Variants in CNNM3 observed in about 807,000 individuals in gnomAD.
The protein encoded by CNNM3 is cyclin and CBS domain divalent metal cation transport mediator 3, also known as metal transporter CNNM3.
CNNM3 carries 47 observed loss-of-function variants against 57.1 expected under a neutral mutation model. That is an observed-to-expected ratio of 0.82 (90% CI 0.65 to 1.05). The LOEUF (loss-of-function observed/expected upper bound fraction) is 1.05, where lower values mean the gene tolerates loss of function less well. CNNM3 is among the 50% of genes least tolerant of loss of function. The pLI, the probability that CNNM3 is intolerant of heterozygous loss-of-function variation, is 0.00. For missense variants in CNNM3, 957 were observed against 973.7 expected (o/e 0.98, Z 0.23); for synonymous variants, 507 against 478.2 (o/e 1.06, Z -0.79).
At chr2:96,823,928 G>A (rs1204432264) in intron 1 of CNNM3, among the ~76,000 whole-genome samples, 1 of 152,214 alleles carries the variant, frequency 6.6e-6, no homozygotes, top group Non-Finnish European at 1.5e-5. Context: ...AAACACACCA[G>A]ATTCAGAGAG....
At chr2:96,828,466 T>G in intron 5 of CNNM3, 101 bp from the exon 6 acceptor site, 10 of 1,426,654 alleles carry the variant, frequency 7.0e-6, no homozygotes, top group Non-Finnish European at 9.7e-6. Flanking sequence ...CCAGAGTGAT[T>G]GGTGGGGTGG....
At position 96,834,720 on chromosome 2, in the gene CNNM3, T is replaced by C. The variant is rs965295402; in HGVS notation, c.*2104T>C. ...CAGCTTACATATAACCTTGGTACAT[T>C]TATCAAAACTAAAGGTGCAATCATA... On this transcript the variant is annotated 3_prime_UTR_variant, in exon 8 of 8. Coordinates refer to ENST00000305510, the MANE Select transcript of CNNM3 (RefSeq NM_017623.5). Among the ~76,000 whole-genome samples the C allele has an allele frequency of 2.6e-5, 4 of 152,294 alleles. No individual in the cohort carries two copies. The highest frequency in any genetic ancestry group is 6.5e-5 in the Admixed American group (1 of 15,298).
rs2079517212 is a variant in CNNM3, at chr2:96,826,960, C to A, written c.1497C>A (p.Ala499=). Residue 499 remains alanine, a synonymous_variant, in exon 3 of 8, where the codon GCC becomes GCA. Coordinates refer to ENST00000305510, the MANE Select transcript of CNNM3 (RefSeq NM_017623.5). ...KVTISPQLLL[A]TQRFLSREVD... is the part of the protein sequence containing the mutation. Reference sequence around the variant, plus strand: ...CAATCTCGCCTCAGCTGCTCTTGGCCACCCAGCGCTTCCTGTCCCGAGGTG... The same window carrying A: ...CAATCTCGCCTCAGCTGCTCTTGGCAACCCAGCGCTTCCTGTCCCGAGGTG... The A allele has an allele frequency of 6.2e-7, 1 of 1,614,066 alleles. No individual in the cohort carries two copies. The highest frequency in any genetic ancestry group is 1.1e-5 in the South Asian group (1 of 91,090).
downstream of CNNM3, chr2:96,837,080 C>G (rs2079699659): frequency 6.6e-6 from 1 of 150,968 alleles, no homozygotes; most frequent in African/African-American, 2.4e-5. Context: ...ATCTGTGTGT[C>G]TGTGCCTCTG....
At chr2:96,826,782 GT>G in intron 2 of CNNM3, 50 bp from the exon 3 acceptor site, 1 of 1,608,288 alleles carries the variant, frequency 6.2e-7, no homozygotes, top group Non-Finnish European at 8.5e-7. Flanking sequence ...GTGTGGTCGT[GT>G]TGACTGACAG....
chr2:96,835,303 T>C lies in CNNM3; in HGVS notation c.*2687T>C, dbSNP rs2079673787. Among the ~76,000 whole-genome samples the C allele has an allele frequency of 6.6e-6, 1 of 152,164 alleles. No homozygotes were observed. Reference sequence around the variant, plus strand: ...TTGCTGAGTGGTATTCCGTGGTGTATGCATTGGCCCCCTGAAGGACACCTG... The same window carrying C: ...TTGCTGAGTGGTATTCCGTGGTGTACGCATTGGCCCCCTGAAGGACACCTG... On this transcript the variant is annotated 3_prime_UTR_variant, in exon 8 of 8. Coordinates refer to ENST00000305510, the MANE Select transcript of CNNM3 (RefSeq NM_017623.5).
chr2:96,832,346 C>G (rs1484118521), intron 7 of CNNM3: 2 of 985,326 alleles, frequency 2.0e-6, no homozygotes, highest in Non-Finnish European at 2.4e-6. Flanking sequence ...AATCCACAGC[C>G]CCAGCTTCCC....
intron 1 of CNNM3, among the ~76,000 whole-genome samples, chr2:96,822,134 C>T (rs2079417790): frequency 1.3e-5 from 2 of 151,484 alleles, no homozygotes; most frequent in Admixed American, 1.3e-4. Context: ...TCCTGAGTAG[C>T]TGGGACTACA....
intron 1 of CNNM3, among the ~76,000 whole-genome samples, chr2:96,823,306 C>T (rs188009196): frequency 3.3e-4 from 50 of 152,160 alleles, no homozygotes; most frequent in African/African-American, 7.7e-4. Flanking sequence ...AGAAGGGAGC[C>T]GAGATGAGGC....
chr2:96,835,472 T>C (rs1324849389), downstream of CNNM3, among the ~76,000 whole-genome samples: 1 of 151,060 alleles, frequency 6.6e-6, no homozygotes, highest in Non-Finnish European at 1.5e-5. Flanking sequence ...AATCAAACTT[T>C]TTTTTTTTTT....
chr2:96,817,408 G>C lies in CNNM3; in HGVS notation c.1131G>C (p.Thr377=). 1 of 1,614,130 alleles carries C rather than the reference G, an allele frequency of 6.2e-7. No homozygotes were observed. The highest frequency in any genetic ancestry group is 8.5e-7 in the Non-Finnish European group (1 of 1,180,038). Residue 377 remains threonine, a synonymous_variant, in exon 1 of 8, where the codon ACG becomes ACC. Transcript: ENST00000305510. ...DLAFVDPEDC[T]PLSTITRFYN... ...CCTTCGTGGATCCCGAAGACTGCAC[G>C]CCGCTCAGCACCATCACTCGTTTCT...
At position 96,826,980 on chromosome 2, in the gene CNNM3, G is replaced by A. The variant is rs142449598; in HGVS notation, c.1517G>A (p.Arg506Gln). The A allele has an allele frequency of 3.1e-4, 504 of 1,613,552 alleles. No homozygotes were observed. The highest frequency in any genetic ancestry group is 3.9e-4 in the Non-Finnish European group (463 of 1,179,814). ...LLLATQRFLSREVDVFSPLRI... is the reference protein window; with the variant it reads ...LLLATQRFLSQEVDVFSPLRI... The stretch of plus-strand genomic sequence containing the variant: ...TTGGCCACCCAGCGCTTCCTGTCCC[G>A]AGGTGAGGCGGGAGGGTGGTCCATG... Residue 506 changes from arginine to glutamine, a missense_variant and splice_region_variant, in exon 3 of 8, where the codon CGA becomes CAA. Physicochemically the swap from Arg to Gln is conservative, Grantham distance 43. Coordinates refer to ENST00000305510, the MANE Select transcript of CNNM3 (RefSeq NM_017623.5).
chr2:96,833,902 C>G lies in CNNM3; in HGVS notation c.*1286C>G, dbSNP rs547462448. On this transcript the variant is annotated 3_prime_UTR_variant, in exon 8 of 8. Coordinates refer to ENST00000305510, the MANE Select transcript of CNNM3 (RefSeq NM_017623.5). ...TTGGAAACAGATGCTTTAAAATCCT[C>G]TCTCCAGAACAGTGGTTTTTTGTTT... The G allele has an allele frequency of 2.0e-5, 3 of 152,322 alleles. No individual in the cohort carries two copies. Among genetic ancestry groups the G allele is most frequent in the Non-Finnish European group, 2.9e-5 (2 of 68,036 alleles). The allele number at this position is 152,322 out of a possible 1,614,324, so 9.4% of individuals were successfully genotyped here.
chr2:96,816,756 C>G lies in CNNM3; in HGVS notation c.479C>G (p.Ala160Gly), dbSNP rs1355467485. The G allele has an allele frequency of 3.9e-6, 4 of 1,017,802 alleles. No homozygotes were observed. The South Asian group carries it at 1.3e-4, about 34-fold the overall frequency. The allele number at this position is 1,017,802 out of a possible 1,614,324, so 63.0% of individuals were successfully genotyped here. The change falls in exon 1 of 8, where the codon GCG becomes GGG. Residue 160 changes from alanine (A) to glycine (G), a missense_variant. By Grantham distance (60) the Ala-to-Gly change is moderately conservative (BLOSUM62 0). Around this residue, in one of 2 missense-constraint regions of CNNM3, gnomAD observed 466 missense variants for 403.1 expected, o/e 1.16. Transcript: ENST00000305510. ...CGAGGCCTGCAGCTGAGCGCGCTGG[C>G]GCTGGCGCCTGCCGAGGTGCAGGTG... ...LARGLQLSAL[A>G]LAPAEVQVLR... is the part of the protein sequence containing the mutation.
At chr2:96,821,875 T>C (rs2079411822) in intron 1 of CNNM3, among the ~76,000 whole-genome samples, 2 of 152,226 alleles carry the variant, frequency 1.3e-5, no homozygotes, top group South Asian at 4.1e-4. Context: ...AGAATGGTTA[T>C]ATGTGTTTGA....
At chr2:96,824,139 G>A (rs184537467) in intron 1 of CNNM3, among the ~76,000 whole-genome samples, 1 of 152,254 alleles carries the variant, frequency 6.6e-6, no homozygotes, top group African/African-American at 2.4e-5. Flanking sequence ...CTAACGTAGT[G>A]TGGATGAAAA....
intron 1 of CNNM3, among the ~76,000 whole-genome samples, chr2:96,818,337 C>T (rs867735612): frequency 4.6e-5 from 7 of 151,590 alleles, no homozygotes; most frequent in South Asian, 2.1e-4. Context: ...CTTGCCTCGC[C>T]CTCCCAAAGT....
At chr2:96,828,967 T>C in intron 6 of CNNM3, 29 bp from the exon 7 acceptor site, 16 of 1,610,072 alleles carry the variant, frequency 9.9e-6, no homozygotes, top group Non-Finnish European at 1.4e-5. Flanking sequence ...CTTCACCAAT[T>C]GGGTCCCAGT....
chr2:96,819,421 G>C (rs1225127580), intron 1 of CNNM3, among the ~76,000 whole-genome samples: 2 of 152,212 alleles, frequency 1.3e-5, no homozygotes. Context: ...CAGACCTGCG[G>C]GGGGAGACTC....
Sources: gnomAD v4.1 joint callset for allele counts (sites outside exome capture counted in the v4.1 genomes callset) on GRCh38, gnomAD v4.1.1 for gene constraint, gnomAD v4.1.1 regional missense constraint, MANE v1.5 for transcripts, NCBI Gene and HGNC (gene_info 2026-07-23, HGNC 2026-07-21) for gene names.